The following SCAP variants were observed in gnomAD, a reference collection of about 807,000 sequenced individuals.
SCAP encodes the protein sterol regulatory element-binding protein cleavage-activating protein.
SCAP carries 65 observed loss-of-function variants against 123.6 expected under a neutral mutation model. That is an observed-to-expected ratio of 0.53 (90% CI 0.43 to 0.65). SCAP has a LOEUF of 0.65. SCAP is among the 30% of genes least tolerant of loss of function. The pLI is 0.00. For missense variants in SCAP, 1,398 were observed against 1,712.5 expected (o/e 0.82, Z 3.24); for synonymous variants, 740 against 726.3 (o/e 1.02, Z -0.30).
intron 14 of SCAP, 29 bp downstream of exon 14, chr3:47,418,626 T>TTTCCCCCC: frequency 7.5e-6 from 11 of 1,459,500 alleles, no homozygotes; most frequent in Non-Finnish European, 1.0e-5. Context: ...CCGCACTCTT[T>TTTCCCCCC]CCCACCCCAC....
chr3:47,432,176 G>C (rs1042886609), intron 3 of SCAP, among the ~76,000 whole-genome samples: 2 of 151,820 alleles, frequency 1.3e-5, no homozygotes, highest in African/African-American at 2.4e-5. Flanking sequence ...AATTAGCCAG[G>C]CGTGGTGGTG....
intron 5 of SCAP, 32 bp downstream of exon 5, chr3:47,427,412 TTTA>T (rs758245168): frequency 6.9e-6 from 11 of 1,603,652 alleles, no homozygotes; most frequent in Non-Finnish European, 8.5e-6. Context: ...AATGGGCACC[TTTA>T]CAGGTCTGAA....
At chr3:47,414,704 A>G (rs756389124) in intron 20 of SCAP, 52 bp from the exon 21 acceptor site, 3 of 1,611,820 alleles carry the variant, frequency 1.9e-6, no homozygotes, top group South Asian at 2.2e-5. Flanking sequence ...TCCAAGTTAT[A>G]CTTTGGCTGG....
intron 1 of SCAP, among the ~76,000 whole-genome samples, chr3:47,464,235 T>G (rs13100413): frequency 6.6e-6 from 1 of 151,978 alleles, no homozygotes; most frequent in Non-Finnish European, 1.5e-5. Context: ...AGGCTGGTCT[T>G]GAACTCCTGA....
chr3:47,441,320 C>T (rs1455498158), intron 2 of SCAP, among the ~76,000 whole-genome samples: 1 of 152,064 alleles, frequency 6.6e-6, no homozygotes, highest in Non-Finnish European at 1.5e-5. Context: ...AGACGAAAAA[C>T]AGCCAAGTGT....
intron 1 of SCAP, among the ~76,000 whole-genome samples, chr3:47,455,143 G>A (rs1177152881): frequency 6.7e-6 from 1 of 148,846 alleles, no homozygotes; most frequent in African/African-American, 2.5e-5. Context: ...CCATAAGGTA[G>A]TGAAAACTAA....
chr3:47,442,123 A>G (rs1466439727), intron 2 of SCAP, among the ~76,000 whole-genome samples: 1 of 152,090 alleles, frequency 6.6e-6, no homozygotes, highest in Non-Finnish European at 1.5e-5. Flanking sequence ...GAAAACATCT[A>G]TAAATGTTTT....
intron 1 of SCAP, among the ~76,000 whole-genome samples, chr3:47,455,064 T>C (rs1303814304): frequency 9.1e-4 from 3 of 3,302 alleles, no homozygotes; most frequent in African/African-American, 2.8e-3. Flanking sequence ...AAAAATTACA[T>C]ATATATATAT....
intron 13 of SCAP, 101 bp from the exon 14 acceptor site, chr3:47,418,944 GCTCCA>G (rs1705771082): frequency 6.4e-6 from 8 of 1,247,278 alleles, no homozygotes; most frequent in Non-Finnish European, 7.5e-6. Context: ...GCAGGCCTCA[GCTCCA>G]CCGGCCAGAC....
At position 47,426,076 on chromosome 3, in the gene SCAP, C is replaced by T; in HGVS notation, c.831G>A (p.Lys277=). 5.0e-6 allele frequency: 8 copies of T among 1,614,104 alleles called. No homozygotes were observed. Among genetic ancestry groups the T allele is most frequent in the Non-Finnish European group, 6.8e-6 (8 of 1,179,976 alleles). ...RAESLVHVHF[K]EEIGVAELIP... is the part of the protein sequence containing the mutation. ...TGAGCTCAGCGACACCAATCTCCTC[C>T]TTGAAGTGCACGTGGACCAGGCTCT... is the stretch of plus-strand genomic sequence containing the variant. The change falls in exon 7 of 23, where the codon AAG becomes AAA. Residue 277 remains lysine (K), a synonymous_variant. Coordinates refer to ENST00000265565, the MANE Select transcript of SCAP (RefSeq NM_012235.4).
At chr3:47,425,975 A>G (rs1706109859) in intron 7 of SCAP, 22 bp downstream of exon 7, 1 of 1,613,512 alleles carries the variant, frequency 6.2e-7, no homozygotes, top group Non-Finnish European at 8.5e-7. Flanking sequence ...GAAAGCCCTC[A>G]GCCTCCCTGC....
At chr3:47,468,823 G>C (rs1464767648) in intron 1 of SCAP, among the ~76,000 whole-genome samples, 2 of 152,080 alleles carry the variant, frequency 1.3e-5, no homozygotes, top group African/African-American at 4.8e-5. Context: ...GTATTGCCTA[G>C]GTTTTCTTCT....
In SCAP at chr3:47,418,426, A is replaced by G; in HGVS notation, c.2226T>C (p.Gly742=). The stretch of plus-strand genomic sequence containing the variant: ...CGCGCCTCCGCCGCCCGGGCCCACC[A>G]CCCAGCTGCCCGTAGTTGCGCGGGC... ...VLCPRNYGQL[G]GGPGRRRRGE... The change falls in exon 15 of 23, where the codon GGT becomes GGC. Residue 742 remains glycine (G), a synonymous_variant. Transcript: ENST00000265565. 2.5e-6 allele frequency: 4 copies of G among 1,585,968 alleles called. No homozygotes were observed. The highest frequency in any genetic ancestry group is 3.4e-6 in the Non-Finnish European group (4 of 1,169,736).
chr3:47,439,079 T>C lies in SCAP; in HGVS notation c.122+3793A>G, dbSNP rs1195307607. ...GACTTACGATGGGGTTATGTCCTGA[T>C]AACGCTGTCGTAAATTGAAAATATC... On this transcript the variant is annotated intron_variant, in intron 2 of 22. Transcript: ENST00000265565. This position sits in a 1 kb window ranked among gnomAD's most constrained non-coding sequence, Gnocchi z 4.0. Among the ~76,000 whole-genome samples, 4 of 152,274 alleles carry C rather than the reference T, an allele frequency of 2.6e-5. No homozygotes were observed. The East Asian group carries it at 7.7e-4, about 29-fold the overall frequency.
chr3:47,425,335 G>A, intron 8 of SCAP, 150 bp downstream of exon 8: 1 of 809,988 alleles, frequency 1.2e-6, no homozygotes, highest in East Asian at 2.7e-5. Flanking sequence ...AGACAAAGAA[G>A]AGGAAGAAAA....
In SCAP at chr3:47,426,107, C is replaced by G. The variant is rs149082564; in HGVS notation, c.800G>C (p.Arg267Pro). ...LLHPSPNCSL[R>P]AESLVHVHFK... Reference sequence around the variant, plus strand: ...GTGCACGTGGACCAGGCTCTCCGCCCGAAGGCTGCAGTTGGGGCTGGGGTG... The same window carrying G: ...GTGCACGTGGACCAGGCTCTCCGCCGGAAGGCTGCAGTTGGGGCTGGGGTG... The change falls in exon 7 of 23, where the codon CGG (arginine) becomes CCG (proline). Residue 267 changes from arginine (R) to proline (P), a missense_variant. By Grantham distance (103) the Arg-to-Pro change is moderately radical. Transcript: ENST00000265565. The G allele has an allele frequency of 7.4e-6, 12 of 1,614,004 alleles. No individual in the cohort carries two copies. The South Asian group carries it at 1.2e-4, about 16-fold the overall frequency.
rs773084832 is a variant in SCAP, at chr3:47,414,074, C to T, written c.3620G>A (p.Gly1207Asp). ...CACCAGCAGGTTGTCTGAGATGACA[C>T]CCAAGCTTGCACCACAGCCCAGGTC... ...QQDLGCGASL[G>D]VISDNLLVTG... Residue 1207 changes from glycine (G) to aspartate (D), a missense_variant, in exon 23 of 23, where the codon GGT becomes GAT. By Grantham distance (94) the Gly-to-Asp change is moderately conservative. This residue lies in a region of SCAP where 130 missense variants were observed against 166.7 expected (regional missense o/e 0.78). Transcript: ENST00000265565. 3.7e-6 allele frequency: 6 copies of T among 1,613,432 alleles called. No individual in the cohort carries two copies. The Admixed American group carries it at 5.0e-5, about 13-fold the overall frequency.
chr3:47,447,080 C>G (rs1707071493), intron 1 of SCAP, among the ~76,000 whole-genome samples: 2 of 152,204 alleles, frequency 1.3e-5, no homozygotes, highest in Non-Finnish European at 2.9e-5. Context: ...TATCCTTCCT[C>G]CATTGAATTG....
At position 47,419,345 on chromosome 3, in the gene SCAP, G is replaced by A. The variant is rs143678713; in HGVS notation, c.1923C>T (p.Asn641=). 2.1e-4 allele frequency: 336 copies of A among 1,612,060 alleles called. No individual in the cohort carries two copies. Among genetic ancestry groups the A allele is most frequent in the Non-Finnish European group, 3.2e-5 (38 of 1,179,128 alleles). ...RHWPTLFSYY[N]ITLAKRYISL... The stretch of plus-strand genomic sequence containing the variant: ...CAGCTCACCTCTTGGCCAGTGTGAT[G>A]TTGTAATAGCTGAAGAGCGTCGGCC... Residue 641 remains asparagine (N), a synonymous_variant, in exon 13 of 23, where the codon AAC becomes AAT. Coordinates refer to ENST00000265565, the MANE Select transcript of SCAP (RefSeq NM_012235.4). The surrounding 1 kb of genome is among the most constrained non-coding windows in gnomAD (Gnocchi z 5.0).
Sources: allele counts gnomAD v4.1 joint callset (sites outside exome capture counted in the v4.1 genomes callset), GRCh38; gene constraint gnomAD v4.1.1; regional missense constraint gnomAD v4.1.1; non-coding constraint Gnocchi (gnomAD v3.1); transcripts MANE v1.5; gene names NCBI Gene and HGNC (gene_info 2026-07-23, HGNC 2026-07-21).